Variants in LTBP4 observed in about 807,000 individuals in gnomAD.
LTBP4 encodes the protein latent transforming growth factor beta binding protein 4, also known as latent-transforming growth factor beta-binding protein 4.
A neutral mutation model predicts 180.2 loss-of-function variants in LTBP4; 93 were observed. The observed-to-expected ratio is 0.52, with a 90% CI of 0.44 to 0.61. The LOEUF (loss-of-function observed/expected upper bound fraction) is 0.61. LTBP4 is among the 20% of genes least tolerant of loss of function. The pLI is 0.00. For synonymous variants in LTBP4, 947 were observed against 934.5 expected, an observed-to-expected ratio of 1.01 and a Z score of -0.24; for missense variants, 2,116 against 2,256.5, an observed-to-expected ratio of 0.94 and a Z score of 1.26.
upstream of LTBP4, among the ~76,000 whole-genome samples, chr19:40,597,849 T>G (rs894727795): frequency 5.3e-5 from 8 of 151,728 alleles, no homozygotes; most frequent in East Asian, 1.6e-3. Context: ...AAAGCGACCT[T>G]TGGGTTTTTC....
chr19:40,629,751 GC>G lies in LTBP4; in HGVS notation c.*204del. ...CACTGATGTCGTGGTCCCGGGCCTGGCCCAGGGGCCCCTTTACATGCCCTCT... is the reference window on the plus strand; with the variant it reads ...CACTGATGTCGTGGTCCCGGGCCTGGCCAGGGGCCCCTTTACATGCCCTCT... On this transcript the variant is annotated 3_prime_UTR_variant, in exon 30 of 30. Transcript: ENST00000396819. This position sits in a 1 kb window ranked among gnomAD's most constrained non-coding sequence, Gnocchi z 4.5. 4.7e-6 allele frequency: 2 copies of G among 429,220 alleles called. No individual in the cohort carries two copies. Among genetic ancestry groups the G allele is most frequent in the Non-Finnish European group, 7.6e-6 (2 of 264,396 alleles). 26.6% of individuals were successfully genotyped at this position (429,220 alleles called of 1,614,324 possible). A position where few individuals can be genotyped will look rare whatever the true frequency, so the allele number is the denominator to read the frequency against.
chr19:40,627,871 C>T lies in LTBP4; in HGVS notation c.4519+14C>T, dbSNP rs1159265844. The T allele has an allele frequency of 1.9e-6, 3 of 1,553,456 alleles. No individual in the cohort carries two copies. Among genetic ancestry groups the T allele is most frequent in the African/African-American group, 1.4e-5 (1 of 73,970 alleles). On this transcript the variant is annotated intron_variant, in intron 29 of 29. Transcript: ENST00000396819. ...TGGCCTGCGTTGGTGAGGGCGGGCC[C>T]GGGGCCAGCATGCGCAGGGAGAGGC... is the stretch of plus-strand genomic sequence containing the variant.
intron 19 of LTBP4, 36 bp from the exon 20 acceptor site, chr19:40,616,853 C>G (rs759456676): frequency 1.2e-6 from 2 of 1,611,106 alleles, no homozygotes; most frequent in East Asian, 4.5e-5. Context: ...GAATTCAGGC[C>G]TTTGACTCCC....
chr19:40,623,098 GTC>G (rs2081598161), intron 24 of LTBP4, 77 bp downstream of exon 24: 4 of 1,104,324 alleles, frequency 3.6e-6, no homozygotes, highest in Non-Finnish European at 5.1e-6. Flanking sequence ...CTTTGCCTCT[GTC>G]TCTCACCCTT....
rs1465504285 is a variant in LTBP4, at chr19:40,605,719, T to A, written c.691-10T>A. 5 of 1,546,892 alleles carry A rather than the reference T, an allele frequency of 3.2e-6. No homozygotes were observed. In the South Asian group the frequency reaches 3.6e-5, roughly 11 times the overall value. On this transcript the variant is annotated splice_polypyrimidine_tract_variant and intron_variant, in intron 3 of 29. Transcript: ENST00000396819. This position sits in a 1 kb window ranked among gnomAD's most constrained non-coding sequence, Gnocchi z 5.5. Reference sequence around the variant, plus strand: ...GCGCGGGGGCGCGCTCACCCAACACTTCCCCGCAGTGCGCGTCCCCGCTGC... The same window carrying A: ...GCGCGGGGGCGCGCTCACCCAACACATCCCCGCAGTGCGCGTCCCCGCTGC...
chr19:40,613,964 C>T lies in LTBP4; in HGVS notation c.2606C>T (p.Thr869Ile). 6.2e-7 allele frequency: 1 copy of T among 1,613,446 alleles called. No individual in the cohort carries two copies. The highest frequency in any genetic ancestry group is 8.5e-7 in the Non-Finnish European group (1 of 1,179,762). Residue 869 changes from threonine (T) to isoleucine (I), a missense_variant, in exon 18 of 30, where the codon ACC becomes ATC. Around this residue, in one of 5 missense-constraint regions of LTBP4, gnomAD observed 877 missense variants for 873.6 expected, o/e 1.00. Coordinates refer to ENST00000396819, the MANE Select transcript of LTBP4 (RefSeq NM_001042545.2). The surrounding 1 kb of genome is among the most constrained non-coding windows in gnomAD (Gnocchi z 5.0). ...EEDLCQSGIC[T>I]NTDGSFECIC... ...GACCTTTGCCAGAGCGGCATCTGTA[C>T]CAACACCGACGGCTCCTTCGAGTGC...
In LTBP4 at chr19:40,611,240, T is replaced by G; in HGVS notation, c.1899T>G (p.Ala633=). ...LPGSFRCVCP[A]GFRGSACEED... ...GCTCTTTCCGCTGTGTTTGCCCGGC[T>G]GGCTTCCGGGGCTCGGCGTGTGAAG... Residue 633 remains alanine (A), a synonymous_variant, in exon 13 of 30, where the codon GCT becomes GCG. Coordinates refer to ENST00000396819, the MANE Select transcript of LTBP4 (RefSeq NM_001042545.2). The surrounding 1 kb of genome is among the most constrained non-coding windows in gnomAD (Gnocchi z 4.4). 1 of 1,613,616 alleles carries G rather than the reference T, an allele frequency of 6.2e-7. No homozygotes were observed. Among genetic ancestry groups the G allele is most frequent in the South Asian group, 1.1e-5 (1 of 91,056 alleles).
In LTBP4 at chr19:40,615,202, G is replaced by GGC. The variant is rs1555737809; in HGVS notation, c.2812+757_2812+758insCG. 8 of 148,028 alleles carry GGC rather than the reference G, an allele frequency of 5.4e-5. 2 individuals are homozygous for GGC. Among genetic ancestry groups the GGC allele is most frequent in the African/African-American group, 2.0e-4 (8 of 39,886 alleles). The allele number at this position is 148,028 out of a possible 1,614,324, so 9.2% of individuals were successfully genotyped here. A position where few individuals can be genotyped will look rare whatever the true frequency, so the allele number is the denominator to read the frequency against. ...TATTTTTTTGTGTCGGCGGGGGGGGGGGGGCGGTGATGGTGTGTGAGTCCG... is the reference window on the plus strand; with the variant it reads ...TATTTTTTTGTGTCGGCGGGGGGGGGGCGGGGCGGTGATGGTGTGTGAGTCCG... On this transcript the variant is annotated intron_variant, in intron 19 of 29. Transcript: ENST00000396819.
Position 40,613,444 on chromosome 19 carries a change from C to A in LTBP4, c.2472C>A (p.His824Gln), listed in dbSNP as rs921569377. 1.2e-6 allele frequency: 2 copies of A among 1,603,696 alleles called. No homozygotes were observed. Among genetic ancestry groups the A allele is most frequent in the Non-Finnish European group, 1.7e-6 (2 of 1,175,568 alleles). The change falls in exon 17 of 30, where the codon CAC becomes CAA. Residue 824 changes from histidine (H) to glutamine (Q), a missense_variant. By Grantham distance (24) the His-to-Gln change is conservative. Coordinates refer to ENST00000396819, the MANE Select transcript of LTBP4 (RefSeq NM_001042545.2). The surrounding 1 kb of genome is among the most constrained non-coding windows in gnomAD (Gnocchi z 5.0). ...ECLEGDFCFP[H>Q]GECLNTDGSF... Reference sequence around the variant, plus strand: ...TGGAGGGCGATTTCTGCTTCCCTCACGGCGAGTGCCTCAACACTGACGGCT... The same window carrying A: ...TGGAGGGCGATTTCTGCTTCCCTCAAGGCGAGTGCCTCAACACTGACGGCT...
intron 26 of LTBP4, among the ~76,000 whole-genome samples, chr19:40,625,287 TATATATATATATATATATATATATATA>T (rs1311289275): frequency 0.027 from 257 of 9,692 alleles, 61 homozygotes; most frequent in Non-Finnish European, 0.033. Flanking sequence ...TATATATATA[TATATATATATATATATATATATATATA>T]TATTTTTTTT....
In LTBP4 at chr19:40,613,926, G is replaced by GT; in HGVS notation, c.2569dup (p.Cys857LeufsTer56). ...CGCCCTGTCCCGCAGACGTTGACGA[G>GT]TGCAGCGAGGAGGACCTTTGCCAGA... On this transcript the variant is annotated frameshift_variant, in exon 18 of 30. Coordinates refer to ENST00000396819, the MANE Select transcript of LTBP4 (RefSeq NM_001042545.2). LOFTEE classifies it high-confidence loss of function. The surrounding 1 kb of genome is among the most constrained non-coding windows in gnomAD (Gnocchi z 5.0). The GT allele has an allele frequency of 6.2e-7, 1 of 1,613,692 alleles. No individual in the cohort carries two copies. The highest frequency in any genetic ancestry group is 8.5e-7 in the Non-Finnish European group (1 of 1,179,828).
chr19:40,617,410 G>A (rs1413328602), intron 21 of LTBP4, among the ~76,000 whole-genome samples, 185 bp downstream of exon 21: 3 of 152,162 alleles, frequency 2.0e-5, no homozygotes, highest in Admixed American at 6.5e-5. Context: ...TTGGGAGGCC[G>A]AGGCGGGCAG....
rs761917166 is a variant in LTBP4, at chr19:40,609,651, C to A, written c.1548C>A (p.Thr516=). The A allele has an allele frequency of 1.9e-6, 3 of 1,613,202 alleles. No individual in the cohort carries two copies. In the East Asian group the frequency reaches 6.7e-5, roughly 36 times the overall value. The change falls in exon 10 of 30, where the codon ACC becomes ACA. Residue 516 remains threonine (T), a synonymous_variant. Transcript: ENST00000396819. This position sits in a 1 kb window ranked among gnomAD's most constrained non-coding sequence, Gnocchi z 4.9. ...GCTTCCGGCTCAGCCCCCAGGGCAC[C>A]CGATGCATTGGTGAGCAAGACGGAG... ...DSGFRLSPQG[T]RCIDVDECRR...
At chr19:40,620,293 C>G (rs1166827114) in intron 22 of LTBP4, among the ~76,000 whole-genome samples, 1 of 150,566 alleles carries the variant, frequency 6.6e-6, no homozygotes, top group Non-Finnish European at 1.5e-5. Context: ...GGCCGGAGTG[C>G]AGTGGCGTGA....
chr19:40,619,462 T>C lies in LTBP4; in HGVS notation c.3186T>C (p.Thr1062=). ...GCCCGGAAGAGTTTGACCCCATGAC[T>C]GGACGCTGTGTTCCCCCACGAACTT... is the stretch of plus-strand genomic sequence containing the variant. ...PNSPEEFDPM[T]GRCVPPRTSA... The change falls in exon 22 of 30, where the codon ACT becomes ACC. Residue 1062 remains threonine (T), a synonymous_variant. Transcript: ENST00000396819. The C allele has an allele frequency of 6.2e-7, 1 of 1,612,950 alleles. No individual in the cohort carries two copies. The highest frequency in any genetic ancestry group is 8.5e-7 in the Non-Finnish European group (1 of 1,179,378).
At chr19:40,594,051 G>A (rs1195522124) in intron 1 of LTBP4, among the ~76,000 whole-genome samples, 3 of 150,866 alleles carry the variant, frequency 2.0e-5, no homozygotes, top group African/African-American at 7.3e-5. Flanking sequence ...TCCCACCTCG[G>A]CCTCCCAAAG....
intron 19 of LTBP4, among the ~76,000 whole-genome samples, chr19:40,615,952 G>A (rs1009302177): frequency 6.6e-6 from 1 of 152,128 alleles, no homozygotes; most frequent in African/African-American, 2.4e-5. Context: ...AAGACAAATG[G>A]GACAGAGATG....
intron 1 of LTBP4, among the ~76,000 whole-genome samples, chr19:40,602,145 T>A (rs1479125696): frequency 2.4e-5 from 2 of 81,818 alleles, no homozygotes; most frequent in Admixed American, 1.2e-4. Context: ...GAGACGGGGG[T>A]TGTGTGTGTG....
chr19:40,593,665 T>C (rs1291415327), intron 1 of LTBP4, among the ~76,000 whole-genome samples: 3 of 149,690 alleles, frequency 2.0e-5, no homozygotes, highest in Admixed American at 6.8e-5. Context: ...AATATGGTGG[T>C]GTTTTGTAAT....
Sources: gnomAD v4.1 joint callset for allele counts (sites outside exome capture counted in the v4.1 genomes callset) on GRCh38, gnomAD v4.1.1 for gene constraint, gnomAD v4.1.1 regional missense constraint, Gnocchi (gnomAD v3.1) non-coding constraint, MANE v1.5 for transcripts, NCBI Gene and HGNC (gene_info 2026-07-23, HGNC 2026-07-21) for gene names.